The following GOSR1 variants were observed in gnomAD, a reference collection of about 807,000 sequenced individuals.
GOSR1 encodes the protein 28 kDa Golgi SNARE protein.
Under a neutral mutation model 35.5 loss-of-function variants are expected in GOSR1, and 21 were observed. The observed-to-expected ratio is 0.59, with a 90% CI of 0.42 to 0.85. The LOEUF is 0.85. Ranked by LOEUF, GOSR1 falls within the 40% of genes least tolerant of loss-of-function variation. GOSR1 has a pLI of 0.00. For missense variants in GOSR1, 285 were observed against 309.6 expected (o/e 0.92, Z 0.60); for synonymous variants, 94 against 106.6 (o/e 0.88, Z 0.73).
At chr17:30,521,858 G>A (rs545158754) in intron 8 of GOSR1, among the ~76,000 whole-genome samples, 1 of 152,276 alleles carries the variant, frequency 6.6e-6, no homozygotes, top group African/African-American at 2.4e-5. Flanking sequence ...GGAGGGAAAT[G>A]GGTGGTGGTG....
intron 6 of GOSR1, among the ~76,000 whole-genome samples, chr17:30,501,963 G>A (rs1446932410): frequency 1.3e-5 from 2 of 152,200 alleles, no homozygotes; most frequent in Admixed American, 1.3e-4. Context: ...CAGTCAAGAT[G>A]TCCTTAAATA....
At position 30,493,381 on chromosome 17, in the gene GOSR1, C is replaced by T. The variant is rs369883718; in HGVS notation, c.509+628C>T. Among the ~76,000 whole-genome samples, 23 of 152,202 alleles carry T rather than the reference C, an allele frequency of 1.5e-4. No individual in the cohort carries two copies. The South Asian group carries it at 1.9e-3, about 12-fold the overall frequency. On this transcript the variant is annotated intron_variant, in intron 6 of 8. Transcript: ENST00000451249. Reference sequence around the variant, plus strand: ...AGAGCTCCTGATGAATTAGATGAGTCGTAGAGACTGAAAAGATGGGCTTCG... The same window carrying T: ...AGAGCTCCTGATGAATTAGATGAGTTGTAGAGACTGAAAAGATGGGCTTCG...
chr17:30,519,484 C>T (rs934467388), intron 7 of GOSR1, among the ~76,000 whole-genome samples: 1 of 152,134 alleles, frequency 6.6e-6, no homozygotes, highest in African/African-American at 2.4e-5. Context: ...AAATTAAGGG[C>T]TGGTTGTGTA....
At chr17:30,517,092 C>A (rs904486170) in intron 7 of GOSR1, among the ~76,000 whole-genome samples, 2 of 152,174 alleles carry the variant, frequency 1.3e-5, no homozygotes, top group African/African-American at 4.8e-5. Context: ...TAAATCCTAG[C>A]ATGTCCATGT....
rs1167522488 is a variant in GOSR1, at chr17:30,520,013, C to G, written c.614C>G (p.Thr205Ser). ...MLKSIHSKMN[T>S]LANRFPAVNS... is the part of the protein sequence containing the mutation. The stretch of plus-strand genomic sequence containing the variant: ...AAGTCAATTCACAGCAAAATGAACA[C>G]TTTGGCCAGTATCCTTTTTGAATGT... Residue 205 changes from threonine (T) to serine (S), a missense_variant, in exon 8 of 9, where the codon ACT becomes AGT. Thr to Ser is a moderately conservative substitution (Grantham distance 58). Transcript: ENST00000451249. 2 of 1,594,258 alleles carry G rather than the reference C, an allele frequency of 1.3e-6. No individual in the cohort carries two copies. The highest frequency in any genetic ancestry group is 8.6e-7 in the Non-Finnish European group (1 of 1,162,422).
chr17:30,501,197 T>G (rs1459185446), intron 6 of GOSR1, among the ~76,000 whole-genome samples: 2 of 152,050 alleles, frequency 1.3e-5, no homozygotes, highest in Non-Finnish European at 2.9e-5. Context: ...ACTCTTAAAA[T>G]TCAACAATTT....
intron 6 of GOSR1, among the ~76,000 whole-genome samples, chr17:30,507,823 T>C (rs1292049741): frequency 6.6e-6 from 1 of 152,130 alleles, no homozygotes; most frequent in Non-Finnish European, 1.5e-5. Flanking sequence ...GGTGAGGAGT[T>C]GATTTTAACA....
intron 5 of GOSR1, 32 bp downstream of exon 5, chr17:30,490,249 A>G: frequency 4.8e-6 from 5 of 1,048,640 alleles, no homozygotes; most frequent in Non-Finnish European, 7.4e-6. Context: ...TTTGTAGAAT[A>G]TTTATTCAGA....
chr17:30,501,615 C>A (rs1300928702), intron 6 of GOSR1, among the ~76,000 whole-genome samples: 1 of 152,074 alleles, frequency 6.6e-6, no homozygotes, highest in African/African-American at 2.4e-5. Flanking sequence ...TCTGCCTCAG[C>A]CTCCCAAGTA....
At chr17:30,481,808 T>C (rs1383494817) in intron 2 of GOSR1, among the ~76,000 whole-genome samples, 1 of 152,140 alleles carries the variant, frequency 6.6e-6, no homozygotes, top group East Asian at 1.9e-4. Context: ...GCTTATGCTC[T>C]CTGTAAGTCA....
chr17:30,488,533 ATTTT>A (rs72485527), intron 4 of GOSR1, among the ~76,000 whole-genome samples: 1 of 131,418 alleles, frequency 7.6e-6, no homozygotes. Flanking sequence ...TATTGGCAGT[ATTTT>A]TTTTTTTTTT....
At chr17:30,485,482 T>C (rs1390789785) in intron 4 of GOSR1, among the ~76,000 whole-genome samples, 1 of 152,122 alleles carries the variant, frequency 6.6e-6, no homozygotes, top group Non-Finnish European at 1.5e-5. Flanking sequence ...TTTCCCAGGC[T>C]GGTCTCTAAC....
intron 2 of GOSR1, among the ~76,000 whole-genome samples, chr17:30,482,485 G>A (rs1472273562): frequency 2.6e-5 from 4 of 152,148 alleles, no homozygotes; most frequent in East Asian, 1.9e-4. Context: ...GAAATTGCTG[G>A]TAGCAGAGTT....
At chr17:30,504,764 A>C (rs1967340154) in intron 6 of GOSR1, among the ~76,000 whole-genome samples, 1 of 152,244 alleles carries the variant, frequency 6.6e-6, no homozygotes, top group Non-Finnish European at 1.5e-5. Flanking sequence ...AATGACACAG[A>C]AAGTTGTTCC....
intron 3 of GOSR1, 22 bp downstream of exon 3, chr17:30,484,323 G>A (rs953893145): frequency 1.3e-5 from 17 of 1,337,344 alleles, no homozygotes; most frequent in South Asian, 3.5e-5. Context: ...CTGTTAAATG[G>A]CTATTTTGCA....
rs933571977 is a variant in GOSR1 at position 30,477,690 on chromosome 17, G to C, written c.31+226G>C. On this transcript the variant is annotated intron_variant, in intron 1 of 8. Transcript: ENST00000451249. ...TGAGCGGGACGTGGGGCAGGGGTTG[G>C]GCAGAGTGGACAGAGCGGGGATGTA... The C allele has an allele frequency of 9.1e-6, 9 of 985,212 alleles. No homozygotes were observed. In the African/African-American group the frequency reaches 1.4e-4, roughly 15 times the overall value. 61.0% of individuals were successfully genotyped at this position (985,212 alleles called of 1,614,324 possible).
intron 5 of GOSR1, among the ~76,000 whole-genome samples, chr17:30,491,621 T>C (rs554783625): frequency 6.6e-6 from 1 of 151,914 alleles, no homozygotes; most frequent in Non-Finnish European, 1.5e-5. Flanking sequence ...ATCGTGCCAC[T>C]GCACTCTAGC....
chr17:30,525,705 C>A lies in GOSR1; in HGVS notation c.*3327C>A, dbSNP rs1007344063. The A allele has an allele frequency of 2.0e-5, 3 of 152,172 alleles. No individual in the cohort carries two copies. The highest frequency in any genetic ancestry group is 2.9e-5 in the Non-Finnish European group (2 of 68,032). The allele number at this position is 152,172 out of a possible 1,614,324, so 9.4% of individuals were successfully genotyped here. A position where few individuals can be genotyped will look rare whatever the true frequency, so the allele number is the denominator to read the frequency against. On this transcript the variant is annotated 3_prime_UTR_variant, in exon 9 of 9. Transcript: ENST00000451249. Reference sequence around the variant, plus strand: ...CTGATTGTGTGAGAGTGAACTGGGACACAAGCTAGTCTAGCTCACTGCAGC... The same window carrying A: ...CTGATTGTGTGAGAGTGAACTGGGAAACAAGCTAGTCTAGCTCACTGCAGC...
Position 30,484,789 on chromosome 17 carries a change from G to A in GOSR1, c.342+19G>A. On this transcript the variant is annotated intron_variant, in intron 4 of 8. Coordinates refer to ENST00000451249, the MANE Select transcript of GOSR1 (RefSeq NM_001007025.2). ...ATTGCAGGTAATATATTGGGCTCGA[G>A]ATGTTTTCATTATCACAGGAGTTTG... The A allele has an allele frequency of 7.8e-7, 1 of 1,276,188 alleles. No individual in the cohort carries two copies. Among genetic ancestry groups the A allele is most frequent in the Non-Finnish European group, 1.1e-6 (1 of 871,768 alleles). The allele number at this position is 1,276,188 out of a possible 1,614,324, so 79.1% of individuals were successfully genotyped here.
Sources: gnomAD v4.1 joint callset for allele counts (sites outside exome capture counted in the v4.1 genomes callset) on GRCh38, gnomAD v4.1.1 for gene constraint, MANE v1.5 for transcripts, NCBI Gene and HGNC (gene_info 2026-07-23, HGNC 2026-07-21) for gene names.